Variants in PAFAH1B1 observed in about 807,000 individuals in gnomAD.
The protein encoded by PAFAH1B1 is platelet-activating factor acetylhydrolase IB subunit beta.
In PAFAH1B1, 2 loss-of-function variants were observed where a neutral mutation model predicts 57.5. That is an observed-to-expected ratio of 0.03 (90% CI 0.01 to 0.11). The LOEUF is 0.11. Among genes scored for constraint, PAFAH1B1 ranks in the 10% least tolerant of loss-of-function variants. PAFAH1B1 has a pLI of 1.00. For synonymous variants in PAFAH1B1, 152 were observed against 169.6 expected (o/e 0.90, Z 0.81); for missense variants, 257 against 512.0 (o/e 0.50, Z 4.81).
At position 2,634,323 on chromosome 17, in the gene PAFAH1B1, G is replaced by A. The variant is rs572776113; in HGVS notation, c.-190-3776G>A. On this transcript the variant is annotated intron_variant, in intron 1 of 10. Coordinates refer to ENST00000397195, the MANE Select transcript of PAFAH1B1 (RefSeq NM_000430.4). The stretch of plus-strand genomic sequence containing the variant: ...GCTAATTTTTTGTATTTTTAGTAGA[G>A]ACGGGGTTTTGCCATGTTGGCCAGG... Among the ~76,000 whole-genome samples the A allele has an allele frequency of 1.4e-3, 220 of 152,246 alleles. 1 individual carries two copies. Among genetic ancestry groups the A allele is most frequent in the African/African-American group, 5.0e-3 (208 of 41,546 alleles).
chr17:2,619,547 G>GT (rs530496434), intron 1 of PAFAH1B1, among the ~76,000 whole-genome samples: 45 of 129,058 alleles, frequency 3.5e-4, no homozygotes, highest in African/African-American at 6.5e-4. Context: ...TTTTTTTTTT[G>GT]TTTTTTTTCC....
intron 1 of PAFAH1B1, among the ~76,000 whole-genome samples, chr17:2,615,409 G>C (rs1306572056): frequency 6.6e-6 from 1 of 152,128 alleles, no homozygotes; most frequent in South Asian, 2.1e-4. Flanking sequence ...TGTTCAAAAT[G>C]GCTTCATTTC....
In PAFAH1B1 at chr17:2,680,319, G is replaced by C; in HGVS notation, c.1158G>C (p.Leu386Phe). ...CGCATGAACACTTTGTTACCTCCTT[G>C]GGTATGTACGCCTCGCGAGGTCTCT... ...LNAHEHFVTS[L>F]DFHKTAPYVV... The change falls in exon 10 of 11, where the codon TTG (leucine) becomes TTC (phenylalanine). Residue 386 changes from leucine to phenylalanine, a missense_variant and splice_region_variant. Physicochemically the swap from Leu to Phe is conservative, Grantham distance 22 (BLOSUM62 0). Coordinates refer to ENST00000397195, the MANE Select transcript of PAFAH1B1 (RefSeq NM_000430.4). The C allele has an allele frequency of 6.2e-7, 1 of 1,613,788 alleles. No individual in the cohort carries two copies. Among genetic ancestry groups the C allele is most frequent in the Non-Finnish European group, 8.5e-7 (1 of 1,179,734 alleles).
chr17:2,659,569 A>T (rs1221768122), intron 2 of PAFAH1B1: 1 of 177,468 alleles, frequency 5.6e-6, no homozygotes, highest in Non-Finnish European at 1.2e-5. Flanking sequence ...GTGGTGGCTG[A>T]TGACTGTAAT....
At chr17:2,617,028 G>A (rs940465388) in intron 1 of PAFAH1B1, among the ~76,000 whole-genome samples, 3 of 151,966 alleles carry the variant, frequency 2.0e-5, no homozygotes, top group African/African-American at 4.8e-5. Context: ...AGCCGAGATC[G>A]CACCACTGCA....
intron 1 of PAFAH1B1, chr17:2,635,237 TAA>T (rs1487754258): frequency 1.3e-5 from 2 of 152,210 alleles, no homozygotes; most frequent in African/African-American, 2.4e-5. Flanking sequence ...TAATATAAAT[TAA>T]GTGTTCTTTA....
intron 1 of PAFAH1B1, among the ~76,000 whole-genome samples, chr17:2,616,448 T>C (rs981101920): frequency 2.0e-5 from 3 of 152,122 alleles, no homozygotes; most frequent in African/African-American, 7.2e-5. Flanking sequence ...GCCGGGGACC[T>C]GGGGAAGAGG....
At chr17:2,618,987 ACAGT>A (rs2068384238) in intron 1 of PAFAH1B1, among the ~76,000 whole-genome samples, 1 of 151,280 alleles carries the variant, frequency 6.6e-6, no homozygotes, top group Admixed American at 6.6e-5. Context: ...ATTCAGAGCA[ACAGT>A]CATATAACAC....
rs529954911 is a variant in PAFAH1B1, at chr17:2,615,273, G to A, written c.-191+21267G>A. On this transcript the variant is annotated intron_variant, in intron 1 of 10. Transcript: ENST00000397195. The stretch of plus-strand genomic sequence containing the variant: ...TTCGAGCATTGTTTTATTGGTATCC[G>A]GGGGGTCCTGGAATGACTGTACATG... Among the ~76,000 whole-genome samples, 10 of 152,094 alleles carry A rather than the reference G, an allele frequency of 6.6e-5. No homozygotes were observed. In the East Asian group the frequency reaches 1.7e-3, roughly 26 times the overall value.
intron 1 of PAFAH1B1, among the ~76,000 whole-genome samples, chr17:2,614,378 G>T (rs1229214525): frequency 6.6e-6 from 1 of 152,110 alleles, no homozygotes; most frequent in Non-Finnish European, 1.5e-5. Flanking sequence ...AGTTGCTACA[G>T]AATCTGAATG....
At chr17:2,638,559 G>A in intron 2 of PAFAH1B1, 1 of 458,276 alleles carries the variant, frequency 2.2e-6, no homozygotes, top group South Asian at 2.7e-5. Flanking sequence ...CCAGGCTGGA[G>A]TGCAATGGCG....
rs185453755 is a variant in PAFAH1B1 at position 2,648,058 on chromosome 17, A to T, written c.32+9738A>T. On this transcript the variant is annotated intron_variant, in intron 2 of 10. Transcript: ENST00000397195. ...AAGAGGTTTAATTGACTCACAGTTC[A>T]ACATGGCTGGCAGGCCTCAGGAAAG... Among the ~76,000 whole-genome samples, 183 of 152,304 alleles carry T rather than the reference A, an allele frequency of 1.2e-3. 1 individual carries two copies. The highest frequency in any genetic ancestry group is 2.2e-4 in the Non-Finnish European group (15 of 68,014).
chr17:2,645,548 G>A (rs1364910721), intron 2 of PAFAH1B1, among the ~76,000 whole-genome samples: 5 of 150,230 alleles, frequency 3.3e-5, no homozygotes, highest in Admixed American at 6.6e-5. Context: ...AGCCGAGATC[G>A]CACCACTGCA....
At chr17:2,602,363 G>A (rs1475940755) in intron 1 of PAFAH1B1, among the ~76,000 whole-genome samples, 1 of 152,112 alleles carries the variant, frequency 6.6e-6, no homozygotes, top group East Asian at 1.9e-4. Context: ...AATGTCACTA[G>A]CACAGAAGAC....
chr17:2,667,092 C>T lies in PAFAH1B1; in HGVS notation c.293C>T (p.Pro98Leu), dbSNP rs764855780. Residue 98 changes from proline to leucine, a missense_variant, in exon 5 of 11, where the codon CCG becomes CTG. Transcript: ENST00000397195. ...KRDPKEWIPR[P>L]PEKYALSGHR... ...GACCCAAAAGAATGGATTCCCCGTCCGCCAGAAAAATATGCATTGAGTGGT... is the reference window on the plus strand; with the variant it reads ...GACCCAAAAGAATGGATTCCCCGTCTGCCAGAAAAATATGCATTGAGTGGT... 9 of 1,613,878 alleles carry T rather than the reference C, an allele frequency of 5.6e-6. No homozygotes were observed. The highest frequency in any genetic ancestry group is 2.2e-5 in the South Asian group (2 of 91,082).
chr17:2,651,878 G>A (rs1296657170), intron 2 of PAFAH1B1, among the ~76,000 whole-genome samples: 1 of 152,044 alleles, frequency 6.6e-6, no homozygotes, highest in Non-Finnish European at 1.5e-5. Flanking sequence ...TGACATTAGG[G>A]TTTACTCTTT....
Position 2,670,341 on chromosome 17 carries a change from A to G in PAFAH1B1, c.568+10A>G, listed in dbSNP as rs1259908180. 1 of 1,608,902 alleles carries G rather than the reference A, an allele frequency of 6.2e-7. No homozygotes were observed. Among genetic ancestry groups the G allele is most frequent in the African/African-American group, 1.3e-5 (1 of 74,826 alleles). On this transcript the variant is annotated intron_variant, in intron 6 of 10. Coordinates refer to ENST00000397195, the MANE Select transcript of PAFAH1B1 (RefSeq NM_000430.4). ...ATCAGAACCATGCACGGTAAGGGGT[A>G]GAGGATAGTGCTTTAACAGTAATTT...
At chr17:2,623,568 G>C (rs1162871865) in intron 1 of PAFAH1B1, among the ~76,000 whole-genome samples, 6 of 143,612 alleles carry the variant, frequency 4.2e-5, no homozygotes, top group African/African-American at 1.5e-4. Flanking sequence ...AAAAAATGTT[G>C]TTTTTTTTTC....
chr17:2,673,912 T>C (rs1331644212), intron 7 of PAFAH1B1, 148 bp from the exon 8 acceptor site: 1 of 643,880 alleles, frequency 1.6e-6, no homozygotes, highest in South Asian at 1.9e-5. Context: ...GTTCCTACTT[T>C]AATTAACCAG....
Sources: allele counts gnomAD v4.1 joint callset (sites outside exome capture counted in the v4.1 genomes callset), GRCh38; gene constraint gnomAD v4.1.1; transcripts MANE v1.5; gene names NCBI Gene and HGNC (gene_info 2026-07-23, HGNC 2026-07-21).